CNTN4: variants seen among roughly 807,000 people sequenced by gnomAD.
CNTN4 encodes the protein contactin-4.
A neutral mutation model predicts 122.5 loss-of-function variants in CNTN4; 77 were observed. The ratio of observed to expected loss-of-function variants is 0.63; its 90% confidence interval spans 0.52 to 0.76. CNTN4 has a LOEUF of 0.76. Ranked by LOEUF, CNTN4 falls within the 30% of genes least tolerant of loss-of-function variation. The pLI, the probability that CNTN4 is intolerant of heterozygous loss-of-function variation, is 0.00. For synonymous variants in CNTN4, 512 were observed against 447.0 expected, an observed-to-expected ratio of 1.15 and a Z score of -1.83; for missense variants, 1,256 against 1,259.1, an observed-to-expected ratio of 1.00 and a Z score of 0.04.
intron 13 of CNTN4, among the ~76,000 whole-genome samples, chr3:2,941,295 C>A (rs1292746386): frequency 6.6e-6 from 1 of 152,170 alleles, no homozygotes; most frequent in Non-Finnish European, 1.5e-5. Context: ...CTTTCCCTCT[C>A]TCTCCAGGCA....
At chr3:2,840,329 C>T (rs980130339) in intron 7 of CNTN4, among the ~76,000 whole-genome samples, 1 of 152,040 alleles carries the variant, frequency 6.6e-6, no homozygotes, top group African/African-American at 2.4e-5. Context: ...GGAGTATAAA[C>T]TCAGATCTTT....
At chr3:2,302,707 C>G (rs1247414885) in intron 2 of CNTN4, among the ~76,000 whole-genome samples, 1 of 152,208 alleles carries the variant, frequency 6.6e-6, no homozygotes, top group Non-Finnish European at 1.5e-5. Flanking sequence ...GGACAAACAA[C>G]TCACCATTTC....
intron 3 of CNTN4, among the ~76,000 whole-genome samples, chr3:2,447,572 C>A (rs1359618828): frequency 6.6e-6 from 1 of 151,752 alleles, no homozygotes; most frequent in Admixed American, 6.6e-5. Flanking sequence ...CGTAGCAAGA[C>A]CTGTAAGAAT....
At chr3:2,179,448 T>A (rs1241169102) in intron 2 of CNTN4, among the ~76,000 whole-genome samples, 1 of 151,988 alleles carries the variant, frequency 6.6e-6, no homozygotes, top group African/African-American at 2.4e-5. Context: ...GAAGTTGAGA[T>A]AATAAACTTC....
chr3:2,736,875 C>T (rs1247882580), intron 5 of CNTN4, among the ~76,000 whole-genome samples: 1 of 152,010 alleles, frequency 6.6e-6, no homozygotes, highest in East Asian at 1.9e-4. Context: ...CCTCTGCCTC[C>T]CAGGTTCAAG....
chr3:2,163,421 C>G (rs1362077199), intron 2 of CNTN4, among the ~76,000 whole-genome samples: 3 of 152,044 alleles, frequency 2.0e-5, no homozygotes, highest in African/African-American at 7.2e-5. Context: ...ATCAGAAAAA[C>G]TCTTGTAGAT....
chr3:2,591,176 TC>T (rs1294053513), intron 4 of CNTN4, among the ~76,000 whole-genome samples: 3 of 152,158 alleles, frequency 2.0e-5, no homozygotes, highest in Non-Finnish European at 4.4e-5. Context: ...AGAAAATGTG[TC>T]TGTAGAGTTC....
chr3:2,886,901 A>T, intron 9 of CNTN4, 139 bp from the exon 10 acceptor site: 4 of 664,872 alleles, frequency 6.0e-6, no homozygotes, highest in Non-Finnish European at 1.0e-5. Context: ...GATTAAAGTT[A>T]TAATGGAGAT....
At chr3:2,704,164 G>C (rs2086517048) in intron 4 of CNTN4, among the ~76,000 whole-genome samples, 1 of 151,792 alleles carries the variant, frequency 6.6e-6, no homozygotes, top group Non-Finnish European at 1.5e-5. Flanking sequence ...AGGTGTGGTG[G>C]CATACACCTG....
At chr3:2,502,810 T>C (rs560611644) in intron 3 of CNTN4, among the ~76,000 whole-genome samples, 1 of 152,206 alleles carries the variant, frequency 6.6e-6, no homozygotes, top group East Asian at 1.9e-4. Flanking sequence ...AGAACTTTGG[T>C]GTCCTGACTC....
intron 2 of CNTN4, among the ~76,000 whole-genome samples, chr3:2,202,497 A>G (rs1419636682): frequency 2.0e-5 from 3 of 152,184 alleles, no homozygotes; most frequent in Non-Finnish European, 2.9e-5. Flanking sequence ...ACCTGATCAG[A>G]CTATTAGAAC....
intron 2 of CNTN4, among the ~76,000 whole-genome samples, chr3:2,246,521 T>C (rs2040159106): frequency 6.6e-6 from 1 of 152,068 alleles, no homozygotes; most frequent in Non-Finnish European, 1.5e-5. Flanking sequence ...GGGATAGTGG[T>C]AGGCACATCT....
chr3:2,809,034 T>G (rs1054332607), intron 6 of CNTN4, among the ~76,000 whole-genome samples: 1 of 152,240 alleles, frequency 6.6e-6, no homozygotes. Context: ...GACACTGTTT[T>G]GGGCATTGGC....
At chr3:2,116,542 T>C (rs1376429451) in intron 2 of CNTN4, among the ~76,000 whole-genome samples, 4 of 152,222 alleles carry the variant, frequency 2.6e-5, no homozygotes, top group Admixed American at 6.5e-5. Context: ...CATGTGATTC[T>C]GATGTTCAGC....
intron 2 of CNTN4, among the ~76,000 whole-genome samples, chr3:2,232,692 C>T (rs867868755): frequency 6.6e-6 from 1 of 152,184 alleles, no homozygotes; most frequent in Non-Finnish European, 1.5e-5. Context: ...CATTTATCAA[C>T]AGTGTAACAC....
chr3:2,316,156 T>A (rs2043090290), intron 2 of CNTN4, among the ~76,000 whole-genome samples: 1 of 152,098 alleles, frequency 6.6e-6, no homozygotes, highest in Non-Finnish European at 1.5e-5. Context: ...ATGATGATTA[T>A]GGTGAAATGA....
intron 21 of CNTN4, 189 bp from the exon 22 acceptor site, chr3:3,042,788 A>G (rs1700283869): frequency 3.2e-6 from 2 of 621,624 alleles, no homozygotes; most frequent in Admixed American, 2.9e-5. Context: ...AGCTAAGGAC[A>G]AAAAAGGGAC....
chr3:2,311,666 A>G (rs2042921805), intron 2 of CNTN4, among the ~76,000 whole-genome samples: 1 of 152,112 alleles, frequency 6.6e-6, no homozygotes, highest in African/African-American at 2.4e-5. Flanking sequence ...CCGGCATGCT[A>G]AGAGTAGTTT....
chr3:2,294,969 T>C (rs1363703602), intron 2 of CNTN4, among the ~76,000 whole-genome samples: 1 of 152,090 alleles, frequency 6.6e-6, no homozygotes, highest in East Asian at 1.9e-4. Flanking sequence ...AGAATGATGG[T>C]TTCCAATTTC....
Sources: gnomAD v4.1 joint callset for allele counts (sites outside exome capture counted in the v4.1 genomes callset) on GRCh38, gnomAD v4.1.1 for gene constraint, MANE v1.5 for transcripts, NCBI Gene and HGNC (gene_info 2026-07-23, HGNC 2026-07-21) for gene names.